The following KIAA1217 variants were observed in gnomAD, a reference collection of about 807,000 sequenced individuals.
The protein encoded by KIAA1217 is sickle tail protein homolog.
In KIAA1217, 88 loss-of-function variants were observed where a neutral mutation model predicts 163.9. The observed-to-expected ratio is 0.54, with a 90% CI of 0.45 to 0.64. The LOEUF (loss-of-function observed/expected upper bound fraction) is 0.64, where lower values mean the gene tolerates loss of function less well. Among genes scored for constraint, KIAA1217 ranks in the 30% least tolerant of loss-of-function variants. KIAA1217 has a pLI of 0.00. For missense variants in KIAA1217, 2,372 were observed against 2,475.0 expected (o/e 0.96, Z 0.88); for synonymous variants, 903 against 923.1 (o/e 0.98, Z 0.39).
chr10:23,758,547 A>G (rs1203220709), intron 1 of KIAA1217, among the ~76,000 whole-genome samples: 2 of 151,954 alleles, frequency 1.3e-5, no homozygotes, highest in African/African-American at 2.4e-5. Context: ...TTGCAATTCT[A>G]CATGAATTTT....
intron 6 of KIAA1217, among the ~76,000 whole-genome samples, chr10:24,485,020 C>T (rs555927938): frequency 2.3e-4 from 35 of 151,562 alleles, no homozygotes; most frequent in African/African-American, 8.2e-4. Flanking sequence ...CCTGGGAAGC[C>T]AATTGTGCAT....
At chr10:24,339,078 A>T (rs2046743891) in intron 2 of KIAA1217, among the ~76,000 whole-genome samples, 1 of 152,200 alleles carries the variant, frequency 6.6e-6, no homozygotes, top group African/African-American at 2.4e-5. Context: ...GGATTGAATA[A>T]AATATTACAT....
intron 2 of KIAA1217, among the ~76,000 whole-genome samples, chr10:24,049,712 G>A (rs1431132487): frequency 6.6e-6 from 1 of 152,104 alleles, no homozygotes; most frequent in African/African-American, 2.4e-5. Flanking sequence ...TATCATTGAT[G>A]GACATTTGGG....
chr10:24,097,908 T>TG (rs1488338469), intron 2 of KIAA1217, among the ~76,000 whole-genome samples: 3 of 152,174 alleles, frequency 2.0e-5, no homozygotes, highest in African/African-American at 7.2e-5. Context: ...ACGGCACCAA[T>TG]GGGGAGGTAC....
At chr10:24,475,370 A>T (rs1386025398) in intron 6 of KIAA1217, among the ~76,000 whole-genome samples, 1 of 152,212 alleles carries the variant, frequency 6.6e-6, no homozygotes, top group East Asian at 1.9e-4. Context: ...TGACCTGTCT[A>T]CCTTACTGTT....
At chr10:24,504,038 A>T (rs1372908326) in intron 9 of KIAA1217, among the ~76,000 whole-genome samples, 1 of 152,140 alleles carries the variant, frequency 6.6e-6, no homozygotes, top group Non-Finnish European at 1.5e-5. Context: ...GGCTCTCTTG[A>T]TGTCTGTAGC....
chr10:24,173,658 A>C (rs937885393), intron 2 of KIAA1217, among the ~76,000 whole-genome samples: 2 of 152,238 alleles, frequency 1.3e-5, no homozygotes, highest in African/African-American at 4.8e-5. Flanking sequence ...AAAATATTTC[A>C]TAGACACTCA....
chr10:24,219,988 A>G (rs2069357367), intron 2 of KIAA1217, 79 bp downstream of exon 2: 3 of 1,431,522 alleles, frequency 2.1e-6, no homozygotes, highest in South Asian at 1.4e-5. Context: ...CTTTCTTTGT[A>G]AAAGGTAAAG....
chr10:23,758,686 C>CTTTT (rs34055872), intron 1 of KIAA1217, among the ~76,000 whole-genome samples: 34 of 59,830 alleles, frequency 5.7e-4, no homozygotes, highest in Non-Finnish European at 9.4e-4. Flanking sequence ...TTCTTTCTTT[C>CTTTT]TTTTTTTTTT....
chr10:24,237,081 C>T (rs1380285053), intron 2 of KIAA1217, among the ~76,000 whole-genome samples: 2 of 152,196 alleles, frequency 1.3e-5, no homozygotes, highest in Non-Finnish European at 2.9e-5. Context: ...CATCTACATG[C>T]ATTTATTGAG....
chr10:24,150,542 C>T (rs1422366191), intron 2 of KIAA1217, among the ~76,000 whole-genome samples: 1 of 152,198 alleles, frequency 6.6e-6, no homozygotes, highest in Admixed American at 6.5e-5. Flanking sequence ...CTACCATTCC[C>T]TCCCTCCCTT....
chr10:24,324,526 C>T (rs1232273185), intron 2 of KIAA1217, among the ~76,000 whole-genome samples: 1 of 152,200 alleles, frequency 6.6e-6, no homozygotes, highest in East Asian at 1.9e-4. Context: ...AAGATCCTGT[C>T]ACTGCGCTCC....
At chr10:24,216,849 AAAAAT>A (rs1233001101) in intron 1 of KIAA1217, among the ~76,000 whole-genome samples, 1 of 150,040 alleles carries the variant, frequency 6.7e-6, no homozygotes, top group African/African-American at 2.4e-5. Flanking sequence ...AAAAAAGGTA[AAAAAT>A]AAAATAAAAT....
chr10:24,017,042 T>G (rs887005397), intron 2 of KIAA1217, among the ~76,000 whole-genome samples: 1 of 20,050 alleles, frequency 5.0e-5, no homozygotes, highest in Non-Finnish European at 1.2e-4. Context: ...GTTTTTTTGT[T>G]TTTTTTTTTT....
chr10:24,437,617 A>G (rs1313658338), intron 4 of KIAA1217, among the ~76,000 whole-genome samples: 3 of 152,194 alleles, frequency 2.0e-5, no homozygotes, highest in Admixed American at 2.0e-4. Flanking sequence ...GAGAGACTTC[A>G]TAGATATTCA....
intron 1 of KIAA1217, among the ~76,000 whole-genome samples, chr10:23,974,180 C>G (rs149288727): frequency 1.2e-3 from 184 of 152,216 alleles, no homozygotes; most frequent in African/African-American, 4.4e-3. Flanking sequence ...GGAGTGAAAG[C>G]GTGTGTTGTG....
intron 2 of KIAA1217, among the ~76,000 whole-genome samples, chr10:24,197,025 G>A (rs1223531847): frequency 1.3e-5 from 2 of 152,160 alleles, no homozygotes; most frequent in Admixed American, 6.6e-5. Context: ...CCTTCACTAC[G>A]ATATGGAGTT....
At chr10:23,702,265 A>G (rs942666100) in intron 1 of KIAA1217, among the ~76,000 whole-genome samples, 27 of 152,260 alleles carry the variant, frequency 1.8e-4, no homozygotes, top group Admixed American at 6.5e-4. Flanking sequence ...GGTGGGTGGG[A>G]GGAATTTGGA....
At chr10:23,787,245 C>T (rs1835534134) in intron 1 of KIAA1217, among the ~76,000 whole-genome samples, 1 of 152,062 alleles carries the variant, frequency 6.6e-6, no homozygotes, top group Non-Finnish European at 1.5e-5. Flanking sequence ...ATACAAAAAT[C>T]CTCTTGTTAG....
Sources: gnomAD v4.1 joint callset for allele counts (sites outside exome capture counted in the v4.1 genomes callset) on GRCh38, gnomAD v4.1.1 for gene constraint, MANE v1.5 for transcripts, NCBI Gene and HGNC (gene_info 2026-07-23, HGNC 2026-07-21) for gene names.